ATF7IP2: variants seen among roughly 807,000 people sequenced by gnomAD.
ATF7IP2 encodes activating transcription factor 7-interacting protein 2.
In ATF7IP2, 42 loss-of-function variants were observed where a neutral mutation model predicts 64.2. That is an observed-to-expected ratio of 0.65 (90% CI 0.51 to 0.85). ATF7IP2 has a LOEUF of 0.85. Ranked by LOEUF, ATF7IP2 falls within the 40% of genes least tolerant of loss-of-function variation. The pLI is 0.00. For synonymous variants in ATF7IP2, 308 were observed against 272.8 expected, an observed-to-expected ratio of 1.13 and a Z score of -1.27; for missense variants, 933 against 784.2, an observed-to-expected ratio of 1.19 and a Z score of -2.27.
intron 5 of ATF7IP2, among the ~76,000 whole-genome samples, chr16:10,433,029 C>T (rs2048309087): frequency 1.3e-5 from 2 of 152,008 alleles, no homozygotes; most frequent in African/African-American, 4.8e-5. Flanking sequence ...TATCTGAGAC[C>T]AGAACCCTAC....
intron 6 of ATF7IP2, among the ~76,000 whole-genome samples, chr16:10,436,365 AAATAT>A (rs2048419077): frequency 6.6e-6 from 1 of 150,790 alleles, no homozygotes; most frequent in Admixed American, 6.7e-5. Context: ...CTGTCCCAAA[AAATAT>A]AATAGTATGT....
chr16:10,470,293 A>G (rs1242274135), intron 9 of ATF7IP2, among the ~76,000 whole-genome samples: 1 of 152,192 alleles, frequency 6.6e-6, no homozygotes, highest in African/African-American at 2.4e-5. Context: ...ATTTACAATG[A>G]CTTCAGAGAA....
At chr16:10,427,590 C>G (rs2048109453) in intron 3 of ATF7IP2, among the ~76,000 whole-genome samples, 1 of 152,154 alleles carries the variant, frequency 6.6e-6, no homozygotes, top group Non-Finnish European at 1.5e-5. Flanking sequence ...TCAACAAGAA[C>G]TGGAAATGTA....
At chr16:10,459,111 A>G (rs1188729217) in intron 9 of ATF7IP2, among the ~76,000 whole-genome samples, 2 of 152,160 alleles carry the variant, frequency 1.3e-5, no homozygotes, top group Non-Finnish European at 2.9e-5. Context: ...AGGCGGGCAG[A>G]TCACCTGAGG....
At chr16:10,474,056 GGTCTACTTATGAA>G (rs781677460) in intron 12 of ATF7IP2, 67 bp downstream of exon 12, 1 of 1,050,502 alleles carries the variant, frequency 9.5e-7, no homozygotes, top group Non-Finnish European at 1.4e-6. Flanking sequence ...TAATGCACTG[GGTCTACTTATGAA>G]GTTTGTTTTA....
At chr16:10,467,878 C>CT (rs111532750) in intron 9 of ATF7IP2, among the ~76,000 whole-genome samples, 1,281 of 127,422 alleles carry the variant, frequency 0.01, 4 homozygotes, top group Middle Eastern at 0.05. Context: ...ATCAAATATT[C>CT]TTTTTTTTTT....
intron 8 of ATF7IP2, chr16:10,454,068 C>A (rs937916425): frequency 1.3e-5 from 2 of 151,224 alleles, no homozygotes; most frequent in African/African-American, 4.9e-5. Flanking sequence ...GGAATTTATC[C>A]ATGTTATCTA....
At chr16:10,424,592 T>G (rs2048047468) in intron 3 of ATF7IP2, among the ~76,000 whole-genome samples, 1 of 152,196 alleles carries the variant, frequency 6.6e-6, no homozygotes, top group Non-Finnish European at 1.5e-5. Context: ...AATTGTATCT[T>G]ATAAGGGACT....
chr16:10,448,616 G>C (rs1391801706), intron 8 of ATF7IP2: 1 of 152,180 alleles, frequency 6.6e-6, no homozygotes, highest in Non-Finnish European at 1.5e-5. Context: ...TTTGTATCCT[G>C]AGACTTTGCT....
At chr16:10,444,969 C>T (rs761150710) in intron 8 of ATF7IP2, among the ~76,000 whole-genome samples, 12 of 152,142 alleles carry the variant, frequency 7.9e-5, no homozygotes, top group Non-Finnish European at 1.3e-4. Context: ...TTTTAGGTGA[C>T]CTATTGAGGT....
intron 1 of ATF7IP2, among the ~76,000 whole-genome samples, chr16:10,407,520 G>C (rs73514815): frequency 0.018 from 2,784 of 152,202 alleles, 72 homozygotes; most frequent in African/African-American, 0.063. Context: ...GATAAATTGA[G>C]TATAGTTGCA....
chr16:10,479,263 A>G (rs964859771), intron 12 of ATF7IP2, among the ~76,000 whole-genome samples: 34 of 151,200 alleles, frequency 2.2e-4, no homozygotes, highest in African/African-American at 7.8e-4. Context: ...AATGTCCAAC[A>G]ATGATAGACT....
intron 1 of ATF7IP2, among the ~76,000 whole-genome samples, chr16:10,403,605 C>A (rs1326663336): frequency 6.6e-6 from 1 of 152,122 alleles, no homozygotes; most frequent in Non-Finnish European, 1.5e-5. Flanking sequence ...TCCTTAGCAA[C>A]AGATTCTAAC....
At chr16:10,478,539 A>G (rs2050094501) in intron 12 of ATF7IP2, among the ~76,000 whole-genome samples, 1 of 152,156 alleles carries the variant, frequency 6.6e-6, no homozygotes, top group Non-Finnish European at 1.5e-5. Flanking sequence ...TAGACCTAAA[A>G]CCATAAAAAC....
chr16:10,421,566 T>A (rs1458207811), intron 3 of ATF7IP2, among the ~76,000 whole-genome samples: 1 of 152,196 alleles, frequency 6.6e-6, no homozygotes, highest in African/African-American at 2.4e-5. Context: ...GGCACAATGG[T>A]AGTATCATTT....
At chr16:10,444,001 A>G (rs530554938) in intron 8 of ATF7IP2, among the ~76,000 whole-genome samples, 2 of 152,290 alleles carry the variant, frequency 1.3e-5, no homozygotes, top group East Asian at 1.9e-4. Flanking sequence ...TTCAAATACC[A>G]TGCTAGACGG....
In ATF7IP2 at chr16:10,480,933, A is replaced by T. The variant is rs762493285; in HGVS notation, c.1604A>T (p.Glu535Val). Residue 535 changes from glutamate to valine, a missense_variant, in exon 13 of 14, where the codon GAA becomes GTA. Coordinates refer to ENST00000562102, the MANE Select transcript of ATF7IP2 (RefSeq NM_001393719.1). ...TCGAAAGCTGCTTCAAACTCAAAGG[A>T]AACAACCCCATTGGCACAAAATGCA... Reference protein sequence around the residue: ...SHSKAASNSKETTPLAQNAVQ... With the variant: ...SHSKAASNSKVTTPLAQNAVQ... The T allele has an allele frequency of 1.2e-6, 2 of 1,612,786 alleles. No individual in the cohort carries two copies. Among genetic ancestry groups the T allele is most frequent in the Non-Finnish European group, 8.5e-7 (1 of 1,178,824 alleles).
intron 1 of ATF7IP2, among the ~76,000 whole-genome samples, chr16:10,399,990 G>T (rs1367829593): frequency 6.6e-6 from 1 of 152,142 alleles, no homozygotes; most frequent in Non-Finnish European, 1.5e-5. Context: ...CTCTCAGTTT[G>T]ATTGTTATTG....
At chr16:10,407,294 G>C (rs567873427) in intron 1 of ATF7IP2, among the ~76,000 whole-genome samples, 5 of 152,128 alleles carry the variant, frequency 3.3e-5, no homozygotes, top group East Asian at 1.9e-4. Context: ...ATCTACAAAA[G>C]AACTACAAAC....
Sources: gnomAD v4.1 joint callset for allele counts (sites outside exome capture counted in the v4.1 genomes callset) on GRCh38, gnomAD v4.1.1 for gene constraint, MANE v1.5 for transcripts, NCBI Gene and HGNC (gene_info 2026-07-23, HGNC 2026-07-21) for gene names.